PKNOX2: variants seen among roughly 807,000 people sequenced by gnomAD.
The protein encoded by PKNOX2 is PBX/knotted 1 homeobox 2.
PKNOX2 carries 14 observed loss-of-function variants against 53.1 expected under a neutral mutation model. The observed-to-expected ratio is 0.26, with a 90% CI of 0.17 to 0.41. The LOEUF (loss-of-function observed/expected upper bound fraction) is 0.41. PKNOX2 is among the 10% of genes least tolerant of loss of function. The probability of loss-of-function intolerance (pLI) is 1.00; values close to 1 mark genes in which losing one functional copy is unlikely to be tolerated. For synonymous variants in PKNOX2, 257 were observed against 242.8 expected (o/e 1.06, Z -0.54); for missense variants, 496 against 602.8 (o/e 0.82, Z 1.85).
chr11:125,202,768 C>T (rs138136443), intron 1 of PKNOX2, among the ~76,000 whole-genome samples: 1 of 152,164 alleles, frequency 6.6e-6, no homozygotes, highest in Non-Finnish European at 1.5e-5. Flanking sequence ...ATCACCCCTT[C>T]AGGCTCCACA....
rs1031337918 is a variant in PKNOX2 at position 125,352,123 on chromosome 11, C to T, written c.87+731C>T. 1.3e-5 allele frequency among the ~76,000 whole-genome samples: 2 copies of T among 152,146 alleles called. No homozygotes were observed. Among genetic ancestry groups the T allele is most frequent in the African/African-American group, 4.8e-5 (2 of 41,420 alleles). On this transcript the variant is annotated intron_variant, in intron 4 of 12. Transcript: ENST00000298282. This position sits in a 1 kb window ranked among gnomAD's most constrained non-coding sequence, Gnocchi z 4.1. ...GCCTGCCCAGCTTGTGGGGGCTGCC[C>T]TCCTACATCCTTTAGACCAGCCGCT...
rs1369841585 is a variant in PKNOX2 at position 125,342,679 on chromosome 11, G to A, written c.-22-8605G>A. 2.0e-5 allele frequency among the ~76,000 whole-genome samples: 3 copies of A among 152,118 alleles called. No homozygotes were observed. In the East Asian group the frequency reaches 5.8e-4, roughly 29 times the overall value. On this transcript the variant is annotated intron_variant, in intron 3 of 12. Coordinates refer to ENST00000298282, the MANE Select transcript of PKNOX2 (RefSeq NM_001382323.2). ...CAAATAATAATAAACCTGGGAATCA[G>A]GTTTGTCGAGGGGGACTTCAGTCCC...
intron 4 of PKNOX2, among the ~76,000 whole-genome samples, chr11:125,366,302 G>A (rs1015185694): frequency 6.6e-6 from 1 of 152,096 alleles, no homozygotes; most frequent in Admixed American, 6.6e-5. Flanking sequence ...GATTGGAAAG[G>A]CTCCCCCAGA....
rs189221579 is a variant in PKNOX2, at chr11:125,399,250, A to G, written c.588+1188A>G. The stretch of plus-strand genomic sequence containing the variant: ...TGAAATCACCAAGTCACTTTATTAC[A>G]GATCTAAAAACACCCGCCCGGGCTT... On this transcript the variant is annotated intron_variant, in intron 7 of 12. Transcript: ENST00000298282. Among the ~76,000 whole-genome samples the G allele has an allele frequency of 1.6e-4, 24 of 152,352 alleles. No homozygotes were observed. In the East Asian group the frequency reaches 4.2e-3, roughly 27 times the overall value.
intron 4 of PKNOX2, among the ~76,000 whole-genome samples, chr11:125,361,782 C>T (rs568934851): frequency 1.5e-4 from 23 of 152,192 alleles, no homozygotes; most frequent in Non-Finnish European, 3.4e-4. Flanking sequence ...CTCCCATGAG[C>T]AAGGGAGGAA....
At chr11:125,274,150 T>A (rs1267803428) in intron 2 of PKNOX2, among the ~76,000 whole-genome samples, 1 of 152,226 alleles carries the variant, frequency 6.6e-6, no homozygotes, top group Non-Finnish European at 1.5e-5. Flanking sequence ...TTTATACCAA[T>A]GCTTTGAGCT....
chr11:125,316,307 T>C (rs983284960), intron 2 of PKNOX2, among the ~76,000 whole-genome samples: 1 of 152,222 alleles, frequency 6.6e-6, no homozygotes, highest in Non-Finnish European at 1.5e-5. Context: ...AACTCTCTTA[T>C]GTGGCCTTCT....
At position 125,410,793 on chromosome 11, in the gene PKNOX2, C is replaced by A; in HGVS notation, c.733C>A (p.Gln245Lys). The A allele has an allele frequency of 6.2e-7, 1 of 1,613,964 alleles. No homozygotes were observed. Among genetic ancestry groups the A allele is most frequent in the Non-Finnish European group, 8.5e-7 (1 of 1,179,930 alleles). The change falls in exon 9 of 13, where the codon CAA becomes AAA. Residue 245 changes from glutamine (Q) to lysine (K), a missense_variant. Coordinates refer to ENST00000298282, the MANE Select transcript of PKNOX2 (RefSeq NM_001382323.2). The stretch of plus-strand genomic sequence containing the variant: ...TGTCTCCTCAGGTGGAGCCTTATAC[C>A]AACCGGTTACCATGGTAACCTCCCA... ...SQVVSGGALYQPVTMVTSQGQ... is the reference protein window; with the variant it reads ...SQVVSGGALYKPVTMVTSQGQ...
chr11:125,172,443 T>A (rs1057179216), intron 1 of PKNOX2, among the ~76,000 whole-genome samples: 1 of 152,130 alleles, frequency 6.6e-6, no homozygotes, highest in Non-Finnish European at 1.5e-5. Context: ...TAGGCCCACA[T>A]CCAGCCCTCT....
chr11:125,343,328 C>T (rs1254339606), intron 3 of PKNOX2, among the ~76,000 whole-genome samples: 1 of 152,182 alleles, frequency 6.6e-6, no homozygotes, highest in Non-Finnish European at 1.5e-5. Context: ...TAGGAAAAAG[C>T]GCACACCACT....
chr11:125,348,447 G>T (rs181577073), intron 3 of PKNOX2, among the ~76,000 whole-genome samples: 140 of 152,368 alleles, frequency 9.2e-4, no homozygotes, highest in African/African-American at 3.3e-3. Flanking sequence ...TGGCCTAGTG[G>T]CCTGTGGTGA....
At position 125,363,380 on chromosome 11, in the gene PKNOX2, A is replaced by C. The variant is rs1037832631; in HGVS notation, c.88-4466A>C. ...TTGAGTATTATCTCCTGCATTTTAC[A>C]GATTAGGAATCCAAAGAGATCAGGA... On this transcript the variant is annotated intron_variant, in intron 4 of 12. Transcript: ENST00000298282. 2.6e-5 allele frequency among the ~76,000 whole-genome samples: 4 copies of C among 152,212 alleles called. No individual in the cohort carries two copies. The South Asian group carries it at 8.3e-4, about 32-fold the overall frequency.
At chr11:125,405,116 C>G (rs984488073) in intron 7 of PKNOX2, among the ~76,000 whole-genome samples, 2 of 152,014 alleles carry the variant, frequency 1.3e-5, no homozygotes, top group Non-Finnish European at 2.9e-5. Flanking sequence ...CTCCGGCCAC[C>G]GACTCACCGT....
chr11:125,185,057 A>C (rs76772430), intron 1 of PKNOX2, among the ~76,000 whole-genome samples: 3,975 of 152,280 alleles, frequency 0.026, 159 homozygotes, highest in African/African-American at 0.091. Flanking sequence ...ATAAACAAGC[A>C]TTGAGTCCCA....
At chr11:125,314,422 T>C (rs558878414) in intron 2 of PKNOX2, among the ~76,000 whole-genome samples, 4 of 152,186 alleles carry the variant, frequency 2.6e-5, no homozygotes, top group African/African-American at 7.2e-5. Flanking sequence ...TGCATCTTAA[T>C]GGTGGGGAAG....
rs541419333 is a variant in PKNOX2, at chr11:125,290,766, G to A, written c.-129-41053G>A. 9.2e-5 allele frequency among the ~76,000 whole-genome samples: 14 copies of A among 152,284 alleles called. 1 individual carries two copies. The South Asian group carries it at 2.9e-3, about 32-fold the overall frequency. ...GATGCTCACAGTGTGGTGGAGAAAT[G>A]GGTCAGTAACTTGAACGTAACAAGA... On this transcript the variant is annotated intron_variant, in intron 2 of 12. Transcript: ENST00000298282.
chr11:125,322,622 G>A lies in PKNOX2; in HGVS notation c.-129-9197G>A, dbSNP rs1345769342. 1.4e-4 allele frequency among the ~76,000 whole-genome samples: 21 copies of A among 152,290 alleles called. No homozygotes were observed. In the South Asian group the frequency reaches 3.7e-3, roughly 27 times the overall value. On this transcript the variant is annotated intron_variant, in intron 2 of 12. Transcript: ENST00000298282. ...ATCACGCCCAGAACTCCCCATGGAT[G>A]ATGACACCCTCACTGCTGAATCACT... is the stretch of plus-strand genomic sequence containing the variant.
chr11:125,407,508 A>T (rs1332272125), intron 7 of PKNOX2, among the ~76,000 whole-genome samples: 1 of 152,232 alleles, frequency 6.6e-6, no homozygotes. Flanking sequence ...CCCTACCAGA[A>T]GAGGCACAGG....
At chr11:125,321,183 G>A (rs1025338723) in intron 2 of PKNOX2, among the ~76,000 whole-genome samples, 1 of 152,208 alleles carries the variant, frequency 6.6e-6, no homozygotes, top group Non-Finnish European at 1.5e-5. Flanking sequence ...ATCTGTATAG[G>A]AGAGGGTGAG....
Sources: allele counts gnomAD v4.1 joint callset (sites outside exome capture counted in the v4.1 genomes callset), GRCh38; gene constraint gnomAD v4.1.1; non-coding constraint Gnocchi (gnomAD v3.1); transcripts MANE v1.5; gene names NCBI Gene and HGNC (gene_info 2026-07-23, HGNC 2026-07-21).